The following EIF4ENIF1 variants were observed in gnomAD, a reference collection of about 807,000 sequenced individuals.
EIF4ENIF1 encodes the protein eukaryotic translation initiation factor 4E transporter.
Under a neutral mutation model 110.5 loss-of-function variants are expected in EIF4ENIF1, and 23 were observed. That is an observed-to-expected ratio of 0.21 (90% confidence interval 0.15 to 0.29). The LOEUF (loss-of-function observed/expected upper bound fraction) is 0.29. EIF4ENIF1 is among the 10% of genes least tolerant of loss of function. The pLI is 1.00. For synonymous variants in EIF4ENIF1, 440 were observed against 437.0 expected, an observed-to-expected ratio of 1.01 and a Z score of -0.09; for missense variants, 1,031 against 1,221.1, an observed-to-expected ratio of 0.84 and a Z score of 2.32.
chr22:31,449,151 C>A (rs896142997), intron 12 of EIF4ENIF1, among the ~76,000 whole-genome samples, 197 bp downstream of exon 12: 2 of 152,156 alleles, frequency 1.3e-5, no homozygotes, highest in Admixed American at 1.3e-4. Flanking sequence ...GCTGGGATTA[C>A]AGGCATGCAC....
Position 31,463,128 on chromosome 22 carries a change from C to T in EIF4ENIF1, c.591G>A (p.Glu197=). The T allele has an allele frequency of 1.2e-6, 2 of 1,613,466 alleles. No homozygotes were observed. The highest frequency in any genetic ancestry group is 1.7e-6 in the Non-Finnish European group (2 of 1,179,882). Residue 197 remains glutamate (E), a synonymous_variant, in exon 6 of 19, where the codon GAG becomes GAA. Coordinates refer to ENST00000330125, the MANE Select transcript of EIF4ENIF1 (RefSeq NM_019843.4). Reference sequence around the variant, plus strand: ...CAAAGACACGCTTACTATCTCCAAACTCTCTCTGGAAAAGTACATAAAGCA... The same window carrying T: ...CAAAGACACGCTTACTATCTCCAAATTCTCTCTGGAAAAGTACATAAAGCA... ...RDFKDKRFRR[E]FGDSKRVFGE...
At chr22:31,472,904 C>T (rs1383442998) in intron 2 of EIF4ENIF1, among the ~76,000 whole-genome samples, 1 of 152,104 alleles carries the variant, frequency 6.6e-6, no homozygotes, top group East Asian at 1.9e-4. Flanking sequence ...TGCTATCAAA[C>T]ATTAGAATTT....
intron 3 of EIF4ENIF1, among the ~76,000 whole-genome samples, chr22:31,470,220 A>G (rs1453207782): frequency 6.9e-6 from 1 of 145,824 alleles, no homozygotes; most frequent in African/African-American, 2.5e-5. Flanking sequence ...GCCATTATTC[A>G]AGTATCAAGT....
rs756558661 is a variant in EIF4ENIF1 at position 31,440,041 on chromosome 22, C to T, written c.2797G>A (p.Gly933Ser). The T allele has an allele frequency of 1.2e-6, 2 of 1,614,006 alleles. No individual in the cohort carries two copies. Among genetic ancestry groups the T allele is most frequent in the South Asian group, 2.2e-5 (2 of 91,062 alleles). Residue 933 changes from glycine (G) to serine (S), a missense_variant, in exon 19 of 19, where the codon GGC becomes AGC. By Grantham distance (56) the Gly-to-Ser change is moderately conservative (BLOSUM62 0). This residue lies in a region of EIF4ENIF1 where 309 missense variants were observed against 299.1 expected (regional missense o/e 1.03). Coordinates refer to ENST00000330125, the MANE Select transcript of EIF4ENIF1 (RefSeq NM_019843.4). ...TTPQNVPSRS[G>S]LPHMHSQLEH... ...AGCTGGGAGTGCATGTGGGGCAGGC[C>T]TGACCGGCTGGGCACGTTCTGAGGG...
In EIF4ENIF1 at chr22:31,463,757, T is replaced by C; in HGVS notation, c.509A>G (p.His170Arg). Residue 170 changes from histidine (H) to arginine (R), a missense_variant, in exon 5 of 19, where the codon CAC becomes CGC. By Grantham distance (29) the His-to-Arg change is conservative (BLOSUM62 0). Transcript: ENST00000330125. ...IISARTFEKD[H>R]RLSDKDLRDL... is the part of the protein sequence containing the mutation. ...CCGCAGGTCCTTATCGCTAAGACGG[T>C]GATCCTTCTCAAAGGTCCGGGCAGA... is the stretch of plus-strand genomic sequence containing the variant. 1 of 1,613,428 alleles carries C rather than the reference T, an allele frequency of 6.2e-7. No individual in the cohort carries two copies. The highest frequency in any genetic ancestry group is 1.1e-5 in the South Asian group (1 of 91,050).
At chr22:31,479,105 T>C (rs1299950748) in intron 2 of EIF4ENIF1, among the ~76,000 whole-genome samples, 2 of 150,966 alleles carry the variant, frequency 1.3e-5, no homozygotes, top group African/African-American at 4.9e-5. Context: ...TTTTTGGAGA[T>C]GGAATCTCAC....
At chr22:31,463,650 T>TAA in intron 5 of EIF4ENIF1, 31 bp downstream of exon 5, 1 of 1,343,678 alleles carries the variant, frequency 7.4e-7, no homozygotes, top group Non-Finnish European at 1.0e-6. Context: ...CCGTCTCAAT[T>TAA]TAAAAAAAAA....
chr22:31,477,371 A>G lies in EIF4ENIF1; in HGVS notation c.97-5454T>C, dbSNP rs1387442100. On this transcript the variant is annotated intron_variant, in intron 2 of 18. Transcript: ENST00000330125. The stretch of plus-strand genomic sequence containing the variant: ...ACCTCTGTCTCCAAAAAAAAAAAAA[A>G]AAACAAAAAAAACAAAAAAAGAGAA... 3.6e-5 allele frequency among the ~76,000 whole-genome samples: 3 copies of G among 83,856 alleles called. 1 individual carries two copies. The highest frequency in any genetic ancestry group is 7.1e-5 in the Non-Finnish European group (3 of 42,342). The allele number at this position is 83,856 out of a possible 152,430, so 55.0% of individuals were successfully genotyped here.
At position 31,463,146 on chromosome 22, in the gene EIF4ENIF1, A is replaced by G. The variant is rs753108589; in HGVS notation, c.586-13T>C. ...CTCCAAACTCTCTCTGGAAAAGTAC[A>G]TAAAGCAAGATTAAAAAATTTCTAG... On this transcript the variant is annotated splice_polypyrimidine_tract_variant and intron_variant, in intron 5 of 18. Coordinates refer to ENST00000330125, the MANE Select transcript of EIF4ENIF1 (RefSeq NM_019843.4). The G allele has an allele frequency of 1.9e-6, 3 of 1,608,850 alleles. No individual in the cohort carries two copies. Among genetic ancestry groups the G allele is most frequent in the Non-Finnish European group, 2.5e-6 (3 of 1,178,428 alleles).
In EIF4ENIF1 at chr22:31,440,828, T is replaced by C. The variant is rs1259971236; in HGVS notation, c.2592A>G (p.Gly864=). The C allele has an allele frequency of 6.2e-7, 1 of 1,613,854 alleles. No individual in the cohort carries two copies. Among genetic ancestry groups the C allele is most frequent in the African/African-American group, 1.3e-5 (1 of 74,914 alleles). The change falls in exon 18 of 19, where the codon GGA becomes GGG. Residue 864 remains glycine, a synonymous_variant. Coordinates refer to ENST00000330125, the MANE Select transcript of EIF4ENIF1 (RefSeq NM_019843.4). ...GCTGACCCAGGATGGGGCCAGATAT[T>C]CCCTGTAAATGACTCAAGTCCATCC... ...PPGMDLSHLQ[G]ISGPILGQPF...
At chr22:31,487,695 TG>T (rs1039729164) in intron 2 of EIF4ENIF1, among the ~76,000 whole-genome samples, 1 of 147,106 alleles carries the variant, frequency 6.8e-6, no homozygotes, top group African/African-American at 2.5e-5. Context: ...GAGACTGAGA[TG>T]GGAGGATGGC....
chr22:31,466,444 G>A (rs1056270803), intron 4 of EIF4ENIF1, among the ~76,000 whole-genome samples: 5 of 151,034 alleles, frequency 3.3e-5, no homozygotes, highest in African/African-American at 7.3e-5. Context: ...GCTGGGCACG[G>A]TGGAACGTGT....
At chr22:31,440,893 C>G (rs755849982) in intron 17 of EIF4ENIF1, 25 bp from the exon 18 acceptor site, 8 of 1,613,088 alleles carry the variant, frequency 5.0e-6, no homozygotes, top group South Asian at 1.1e-5. Flanking sequence ...AAGCAAGCAG[C>G]TGAGTAGTCT....
At chr22:31,458,411 C>A in intron 7 of EIF4ENIF1, 64 bp downstream of exon 7, 1 of 1,354,598 alleles carries the variant, frequency 7.4e-7, no homozygotes, top group South Asian at 2.0e-5. Context: ...CACTTTCAAA[C>A]CGATGTCTTA....
intron 4 of EIF4ENIF1, 86 bp downstream of exon 4, chr22:31,468,089 A>C: frequency 6.5e-7 from 1 of 1,535,134 alleles, no homozygotes; most frequent in Non-Finnish European, 8.8e-7. Context: ...TCAAAGCATA[A>C]AATTCTCAGA....
chr22:31,457,982 C>A (rs1356812926), intron 7 of EIF4ENIF1, among the ~76,000 whole-genome samples: 3 of 152,138 alleles, frequency 2.0e-5, no homozygotes, highest in Non-Finnish European at 4.4e-5. Context: ...GTAATCCCAG[C>A]ACTTTGGGAG....
At chr22:31,461,091 CA>C (rs1237750396) in intron 6 of EIF4ENIF1, among the ~76,000 whole-genome samples, 5 of 152,182 alleles carry the variant, frequency 3.3e-5, no homozygotes, top group Non-Finnish European at 5.9e-5. Context: ...CTGATGGGTA[CA>C]TGTGTTCTTC....
At position 31,455,124 on chromosome 22, in the gene EIF4ENIF1, A is replaced by G. The variant is rs185318833; in HGVS notation, c.1279+12T>C. The G allele has an allele frequency of 1.0e-4, 165 of 1,602,860 alleles. No individual in the cohort carries two copies. In the East Asian group the frequency reaches 2.7e-3, roughly 26 times the overall value. The stretch of plus-strand genomic sequence containing the variant: ...TTTCAGATATCTAAAACAGATATTC[A>G]TAAACACTTACAGCTTTCTTTAAGT... On this transcript the variant is annotated intron_variant, in intron 9 of 18. Coordinates refer to ENST00000330125, the MANE Select transcript of EIF4ENIF1 (RefSeq NM_019843.4).
downstream of EIF4ENIF1, chr22:31,437,432 A>T: frequency 6.7e-6 from 1 of 149,328 alleles, no homozygotes; most frequent in Non-Finnish European, 1.5e-5. Context: ...GACTGCATTA[A>T]TGTGTCTTTT....
Sources: allele counts gnomAD v4.1 joint callset (sites outside exome capture counted in the v4.1 genomes callset), GRCh38; gene constraint gnomAD v4.1.1; regional missense constraint gnomAD v4.1.1; transcripts MANE v1.5; gene names NCBI Gene and HGNC (gene_info 2026-07-23, HGNC 2026-07-21).